KCNAB1: variants seen among roughly 807,000 people sequenced by gnomAD.
KCNAB1 encodes voltage-gated potassium channel subunit beta-1.
Under a neutral mutation model 64.6 loss-of-function variants are expected in KCNAB1, and 35 were observed. The ratio of observed to expected loss-of-function variants is 0.54; its 90% CI spans 0.41 to 0.72. The LOEUF (loss-of-function observed/expected upper bound fraction) is 0.72, where lower values mean the gene tolerates loss of function less well. Among genes scored for constraint, KCNAB1 ranks in the 30% least tolerant of loss-of-function variants. The probability of loss-of-function intolerance (pLI) is 0.00; values close to 1 mark genes in which losing one functional copy is unlikely to be tolerated. For missense variants in KCNAB1, 401 were observed against 512.9 expected (o/e 0.78, Z 2.11); for synonymous variants, 177 against 183.8 (o/e 0.96, Z 0.30).
chr3:156,421,619 T>A lies in KCNAB1; in HGVS notation c.279T>A (p.Asn93Lys). 6.2e-7 allele frequency: 1 copy of A among 1,613,910 alleles called. No homozygotes were observed. Among genetic ancestry groups the A allele is most frequent in the Non-Finnish European group, 8.5e-7 (1 of 1,179,854 alleles). ...TVCTTGMPHR[N>K]LGKSGLRVSC... Reference sequence around the variant, plus strand: ...TGTTGCTTTGTTTTTATTATAGGAATCTTGGAAAATCAGGACTCAGAGTTT... The same window carrying A: ...TGTTGCTTTGTTTTTATTATAGGAAACTTGGAAAATCAGGACTCAGAGTTT... Residue 93 changes from asparagine to lysine, a missense_variant, in exon 2 of 14, where the codon AAT becomes AAA. Asn to Lys is a moderately conservative substitution (Grantham distance 94). Coordinates refer to ENST00000490337, the MANE Select transcript of KCNAB1 (RefSeq NM_172160.3).
intron 1 of KCNAB1, among the ~76,000 whole-genome samples, chr3:156,335,522 T>G (rs6795493): frequency 6.6e-6 from 1 of 152,102 alleles, no homozygotes; most frequent in Non-Finnish European, 1.5e-5. Flanking sequence ...TTACTCCTAT[T>G]GCATGTCCTA....
chr3:156,298,301 T>G (rs1720929742), intron 1 of KCNAB1, among the ~76,000 whole-genome samples: 1 of 152,200 alleles, frequency 6.6e-6, no homozygotes, highest in Admixed American at 6.5e-5. Context: ...CATGCATGCA[T>G]GTGCGCACGT....
intron 5 of KCNAB1, chr3:156,460,188 G>A (rs138086024): frequency 1.4e-3 from 366 of 262,110 alleles, no homozygotes; most frequent in African/African-American, 4.3e-3. Context: ...TCTCTTGCAG[G>A]AAGTAACTTG....
intron 1 of KCNAB1, among the ~76,000 whole-genome samples, chr3:156,312,202 T>C (rs1310447587): frequency 3.9e-5 from 6 of 152,176 alleles, no homozygotes; most frequent in Non-Finnish European, 8.8e-5. Flanking sequence ...CTGAGTAAAA[T>C]AGGCGACAGG....
At position 156,401,640 on chromosome 3, in the gene KCNAB1, A is replaced by G. The variant is rs184731123; in HGVS notation, c.276-19976A>G. ...TTAGAACTCAATTTCCTTCCAGTTA[A>G]TGGTTCGCTGCACCAACGCTACAGC... On this transcript the variant is annotated intron_variant, in intron 1 of 13. Transcript: ENST00000490337. Among the ~76,000 whole-genome samples, 4 of 152,318 alleles carry G rather than the reference A, an allele frequency of 2.6e-5. No individual in the cohort carries two copies. The East Asian group carries it at 5.8e-4, about 22-fold the overall frequency.
chr3:156,467,059 T>A (rs574626619), intron 7 of KCNAB1, among the ~76,000 whole-genome samples: 35 of 152,232 alleles, frequency 2.3e-4, no homozygotes, highest in African/African-American at 8.4e-4. Flanking sequence ...TAGCCTAGCC[T>A]ACCTTAAATA....
chr3:156,506,355 G>A (rs1227817642), intron 8 of KCNAB1, among the ~76,000 whole-genome samples: 2 of 152,180 alleles, frequency 1.3e-5, no homozygotes, highest in East Asian at 3.8e-4. Context: ...AACAGTTGCT[G>A]TTCAGAGCCT....
At chr3:156,190,012 GTTTAT>G (rs1270532944) in intron 1 of KCNAB1, among the ~76,000 whole-genome samples, 2 of 152,114 alleles carry the variant, frequency 1.3e-5, no homozygotes, top group Non-Finnish European at 2.9e-5. Context: ...CTTTAAAAAT[GTTTAT>G]TTTAAGAAAA....
intron 1 of KCNAB1, among the ~76,000 whole-genome samples, chr3:156,301,093 G>A (rs150645735): frequency 6.6e-6 from 1 of 152,276 alleles, no homozygotes; most frequent in East Asian, 1.9e-4. Flanking sequence ...CTACTGGAAA[G>A]CCCATCTGGT....
chr3:156,287,437 C>A (rs1720162409), intron 1 of KCNAB1, among the ~76,000 whole-genome samples: 1 of 151,434 alleles, frequency 6.6e-6, no homozygotes, highest in Admixed American at 6.6e-5. Flanking sequence ...TATATGGTGA[C>A]TCTTGATAAA....
At chr3:156,121,338 G>A (rs886737679) in intron 1 of KCNAB1, among the ~76,000 whole-genome samples, 4 of 152,160 alleles carry the variant, frequency 2.6e-5, no homozygotes, top group Non-Finnish European at 5.9e-5. Flanking sequence ...GTTGAATGAG[G>A]GGTCAGGCTG....
Position 156,257,331 on chromosome 3 carries a change from C to A in KCNAB1, c.275+136445C>A, listed in dbSNP as rs763467168. On this transcript the variant is annotated intron_variant, in intron 1 of 13. Transcript: ENST00000490337. ...AAAATTCATGGGGCTTTCTGCTTAG[C>A]AACTTCCTTTATCAATTCTTCTGGG... Among the ~76,000 whole-genome samples, 66 of 152,276 alleles carry A rather than the reference C, an allele frequency of 4.3e-4. 1 individual carries two copies. The highest frequency in any genetic ancestry group is 3.4e-3 in the Middle Eastern group (1 of 294).
In KCNAB1 at chr3:156,338,303, C is replaced by CTTTTTTTTTTTTTTTTTTTT. The variant is rs34671816; in HGVS notation, c.276-83305_276-83286dup. Among the ~76,000 whole-genome samples the CTTTTTTTTTTTTTTTTTTTT allele has an allele frequency of 5.0e-3, 196 of 39,484 alleles. 52 individuals carry two copies. The highest frequency in any genetic ancestry group is 0.011 in the East Asian group (13 of 1,172). 25.9% of individuals were successfully genotyped at this position (39,484 alleles called of 152,430 possible). ...TCTTATACTTTCTTTGGCATTTGCA[C>CTTTTTTTTTTTTTTTTTTTT]TTTTTTTTTTTTTTTTTTTTTTTTT... On this transcript the variant is annotated intron_variant, in intron 1 of 13. Coordinates refer to ENST00000490337, the MANE Select transcript of KCNAB1 (RefSeq NM_172160.3).
intron 1 of KCNAB1, among the ~76,000 whole-genome samples, chr3:156,369,100 G>C (rs573549285): frequency 2.6e-4 from 39 of 152,136 alleles, no homozygotes; most frequent in African/African-American, 8.9e-4. Flanking sequence ...TCTCATATCT[G>C]TTCCCAGTCA....
chr3:156,423,966 A>G (rs1715642687), intron 2 of KCNAB1, among the ~76,000 whole-genome samples: 1 of 152,224 alleles, frequency 6.6e-6, no homozygotes, highest in East Asian at 1.9e-4. Flanking sequence ...AGTGGTTGAA[A>G]AGGGAAACAT....
chr3:156,272,266 G>A (rs896623441), intron 1 of KCNAB1, among the ~76,000 whole-genome samples: 1 of 152,232 alleles, frequency 6.6e-6, no homozygotes, highest in Non-Finnish European at 1.5e-5. Flanking sequence ...GCAAAGCCAG[G>A]CAGTTTTTTG....
Position 156,296,496 on chromosome 3 carries a change from T to TG in KCNAB1, c.276-125118dup, listed in dbSNP as rs1429379211. On this transcript the variant is annotated intron_variant, in intron 1 of 13. Transcript: ENST00000490337. ...CCCACCTTTTTTTTTTTTTTTGAGA[T>TG]GGAGTCTCGCTCTGTAGCGCAGGCT... is the stretch of plus-strand genomic sequence containing the variant. Among the ~76,000 whole-genome samples the TG allele has an allele frequency of 3.9e-5, 5 of 128,792 alleles. No homozygotes were observed. In the Admixed American group the frequency reaches 4.2e-4, roughly 11 times the overall value. The allele number at this position is 128,792 out of a possible 152,430, so 84.5% of individuals were successfully genotyped here.
intron 1 of KCNAB1, among the ~76,000 whole-genome samples, chr3:156,370,010 CA>C (rs1243241625): frequency 6.6e-6 from 1 of 152,176 alleles, no homozygotes; most frequent in Non-Finnish European, 1.5e-5. Context: ...AAATTTCATG[CA>C]CAATAAAATG....
Position 156,511,127 on chromosome 3 carries a change from G to A in KCNAB1, c.659-3237G>A, listed in dbSNP as rs748151844. ...TTTTATTTTTTATTTTTTTTGAGAC[G>A]GAGTCTTGCTCTGTCCCCCATGCTG... is the stretch of plus-strand genomic sequence containing the variant. On this transcript the variant is annotated intron_variant, in intron 8 of 13. Coordinates refer to ENST00000490337, the MANE Select transcript of KCNAB1 (RefSeq NM_172160.3). Among the ~76,000 whole-genome samples, 8 of 151,278 alleles carry A rather than the reference G, an allele frequency of 5.3e-5. 1 individual carries two copies. The South Asian group carries it at 6.3e-4, about 12-fold the overall frequency.
Sources: gnomAD v4.1 joint callset for allele counts (sites outside exome capture counted in the v4.1 genomes callset) on GRCh38, gnomAD v4.1.1 for gene constraint, MANE v1.5 for transcripts, NCBI Gene and HGNC (gene_info 2026-07-23, HGNC 2026-07-21) for gene names.